STMN2: variants seen among roughly 807,000 people sequenced by gnomAD.
STMN2 encodes stathmin 2, also known as stathmin-2.
STMN2 carries 2 observed loss-of-function variants against 24.1 expected under a neutral mutation model. The ratio of observed to expected loss-of-function variants is 0.08; its 90% CI spans 0.03 to 0.26. The LOEUF (loss-of-function observed/expected upper bound fraction) is 0.26, where lower values mean the gene tolerates loss of function less well. Among genes scored for constraint, STMN2 ranks in the 10% least tolerant of loss-of-function variants. The pLI is 1.00. For synonymous variants in STMN2, 83 were observed against 77.5 expected (o/e 1.07, Z -0.37); for missense variants, 114 against 213.6 (o/e 0.53, Z 2.91).
At chr8:79,662,548 C>T (rs1215696886) in intron 4 of STMN2, among the ~76,000 whole-genome samples, 1 of 151,956 alleles carries the variant, frequency 6.6e-6, no homozygotes, top group Non-Finnish European at 1.5e-5. Context: ...AGTAAATATT[C>T]GATAATGTGA....
At chr8:79,625,100 G>A (rs955681048) in intron 1 of STMN2, among the ~76,000 whole-genome samples, 2 of 152,096 alleles carry the variant, frequency 1.3e-5, no homozygotes, top group African/African-American at 4.8e-5. Context: ...AGGAAGAGTC[G>A]AGTTTCAAAT....
At chr8:79,645,606 C>T (rs572855786) in intron 3 of STMN2, among the ~76,000 whole-genome samples, 67 of 152,228 alleles carry the variant, frequency 4.4e-4, no homozygotes, top group African/African-American at 1.6e-3. Flanking sequence ...TATGGGAACT[C>T]AGAAAGTTCA....
rs1254377335 is a variant in STMN2, at chr8:79,665,349, C to A, written c.*475C>A. The A allele has an allele frequency of 6.5e-6, 1 of 154,622 alleles. No individual in the cohort carries two copies. Among genetic ancestry groups the A allele is most frequent in the Non-Finnish European group, 1.5e-5 (1 of 68,556 alleles). 9.6% of individuals were successfully genotyped at this position (154,622 alleles called of 1,614,324 possible). On this transcript the variant is annotated 3_prime_UTR_variant, in exon 5 of 5. Transcript: ENST00000220876. ...TTGTTGTCTCTGAGCTTGACTAAGACCATACCTAGATCACAGGTATTATGA... is the reference window on the plus strand; with the variant it reads ...TTGTTGTCTCTGAGCTTGACTAAGAACATACCTAGATCACAGGTATTATGA...
intron 1 of STMN2, among the ~76,000 whole-genome samples, chr8:79,632,864 A>G (rs1186834980): frequency 6.6e-6 from 1 of 152,242 alleles, no homozygotes; most frequent in Non-Finnish European, 1.5e-5. Context: ...AAGTGTTAAA[A>G]TTCATATTAA....
chr8:79,664,715 A>C, intron 4 of STMN2, 100 bp from the exon 5 acceptor site: 1 of 1,109,294 alleles, frequency 9.0e-7, no homozygotes. Context: ...AATTCATAAA[A>C]GTAGACACCA....
chr8:79,621,088 G>C (rs972011435), intron 1 of STMN2: 1 of 915,764 alleles, frequency 1.1e-6, no homozygotes, highest in Non-Finnish European at 1.3e-6. Context: ...TTCTCCACCA[G>C]TGCTGCTGGT....
intron 3 of STMN2, among the ~76,000 whole-genome samples, chr8:79,653,825 G>A (rs1810388292): frequency 6.6e-6 from 1 of 152,194 alleles, no homozygotes; most frequent in African/African-American, 2.4e-5. Context: ...AGCCATGAGT[G>A]TGTAATAATT....
At chr8:79,636,363 TG>T (rs1173513599) in intron 1 of STMN2, among the ~76,000 whole-genome samples, 1 of 152,190 alleles carries the variant, frequency 6.6e-6, no homozygotes, top group African/African-American at 2.4e-5. Flanking sequence ...AATGAGTACG[TG>T]GCAATTCAGG....
chr8:79,650,259 C>G (rs990244759), intron 3 of STMN2, among the ~76,000 whole-genome samples: 1 of 152,164 alleles, frequency 6.6e-6, no homozygotes, highest in Non-Finnish European at 1.5e-5. Flanking sequence ...TTTTTAACAA[C>G]TTTTAGCGAT....
chr8:79,664,994 AAAAAAAAAC>A lies in STMN2; in HGVS notation c.*129_*137del, dbSNP rs766375473. On this transcript the variant is annotated 3_prime_UTR_variant, in exon 5 of 5. Coordinates refer to ENST00000220876, the MANE Select transcript of STMN2 (RefSeq NM_007029.4). ...GGTTTAAAAAGAACTCATTATAAAA[AAAAAAAAAC>A]AAAAAAAATCAAAAATTAAAAAAAA... 4.7e-6 allele frequency: 4 copies of A among 850,726 alleles called. No homozygotes were observed. Among genetic ancestry groups the A allele is most frequent in the African/African-American group, 1.8e-5 (1 of 55,950 alleles). The allele number at this position is 850,726 out of a possible 1,614,324, so 52.7% of individuals were successfully genotyped here.
rs570088138 is a variant in STMN2, at chr8:79,626,688, C to T, written c.20-10114C>T. Among the ~76,000 whole-genome samples, 15 of 152,304 alleles carry T rather than the reference C, an allele frequency of 9.8e-5. No homozygotes were observed. In the East Asian group the frequency reaches 2.7e-3, roughly 27 times the overall value. On this transcript the variant is annotated intron_variant, in intron 1 of 4. Transcript: ENST00000220876. ...TTTGCAGCTGAGGGACAGCCCCTCC[C>T]TGCTTAGCAACCAATGGATATGCAT... is the stretch of plus-strand genomic sequence containing the variant.
intron 1 of STMN2, among the ~76,000 whole-genome samples, chr8:79,636,293 A>G (rs974694102): frequency 5.9e-5 from 9 of 152,202 alleles, no homozygotes; most frequent in African/African-American, 1.9e-4. Context: ...GCAGCAACAT[A>G]GGACCCTGGA....
At chr8:79,651,454 ATGGAAAC>A (rs1418133366) in intron 3 of STMN2, among the ~76,000 whole-genome samples, 39 of 152,346 alleles carry the variant, frequency 2.6e-4, no homozygotes, top group African/African-American at 9.1e-4. Context: ...ATTATTCATA[ATGGAAAC>A]CACAGGAGTT....
intron 1 of STMN2, chr8:79,613,748 C>A: frequency 2.0e-6 from 2 of 985,362 alleles, no homozygotes; most frequent in Non-Finnish European, 2.4e-6. Flanking sequence ...CATCCCTTTC[C>A]CCCACAAAAA....
At chr8:79,645,987 T>C (rs188460552) in intron 3 of STMN2, among the ~76,000 whole-genome samples, 60 of 152,364 alleles carry the variant, frequency 3.9e-4, no homozygotes, top group African/African-American at 1.3e-3. Flanking sequence ...CAATAGTTAT[T>C]ACTGTAAACA....
chr8:79,629,748 CAATTT>C (rs1258469051), intron 1 of STMN2, among the ~76,000 whole-genome samples: 5 of 152,136 alleles, frequency 3.3e-5, no homozygotes, highest in Non-Finnish European at 5.9e-5. Context: ...GCCTTAAGTA[CAATTT>C]GTACACTACC....
chr8:79,628,394 G>A (rs1045682656), intron 1 of STMN2, among the ~76,000 whole-genome samples: 10 of 152,076 alleles, frequency 6.6e-5, no homozygotes, highest in East Asian at 1.9e-4. Context: ...CAAGTGATCC[G>A]TCCACCTCAG....
chr8:79,628,368 C>G (rs1007117474), intron 1 of STMN2, among the ~76,000 whole-genome samples: 1 of 151,798 alleles, frequency 6.6e-6, no homozygotes, highest in African/African-American at 2.4e-5. Context: ...TTCACCATGT[C>G]TCGAACTCCT....
intron 1 of STMN2, among the ~76,000 whole-genome samples, chr8:79,616,972 G>A (rs1809395179): frequency 6.6e-6 from 1 of 152,052 alleles, no homozygotes; most frequent in South Asian, 2.1e-4. Context: ...TGACAAGGAT[G>A]ATAAATCAAT....
Sources: gnomAD v4.1 joint callset for allele counts (sites outside exome capture counted in the v4.1 genomes callset) on GRCh38, gnomAD v4.1.1 for gene constraint, MANE v1.5 for transcripts, NCBI Gene and HGNC (gene_info 2026-07-23, HGNC 2026-07-21) for gene names.